The following L1CAM variants were observed in gnomAD, a reference collection of about 807,000 sequenced individuals.
L1CAM encodes the protein L1 cell adhesion molecule, also known as neural cell adhesion molecule L1.
Under a neutral mutation model 93.0 loss-of-function variants are expected in L1CAM, and 8 were observed. The ratio of observed to expected loss-of-function variants is 0.09; its 90% CI spans 0.05 to 0.16. The LOEUF (loss-of-function observed/expected upper bound fraction) is 0.16. L1CAM is among the 10% of genes least tolerant of loss of function. The pLI is 1.00. For missense variants in L1CAM, 777 were observed against 1,073.4 expected (o/e 0.72, Z 3.86); for synonymous variants, 453 against 453.0 (o/e 1.00, Z 0.00).
intron 3 of L1CAM, 95 bp downstream of exon 3, chrX:153,873,133 G>A (rs782455350): frequency 2.2e-5 from 19 of 868,584 alleles, no homozygotes; most frequent in Middle Eastern, 2.8e-4. Flanking sequence ...GCAGGGCCCC[G>A]GCACTCAGGA....
At position 153,870,776 on chromosome X, in the gene L1CAM, C is replaced by G; in HGVS notation, c.694+14G>C. On this transcript the variant is annotated intron_variant, in intron 7 of 28. Transcript: ENST00000370060. ...AAGGAGTCAGGGAGAGAGTGCAGAG[C>G]CTCTGAGACTCACTGGCCTTGACCC... 1 of 1,203,826 alleles carries G rather than the reference C, an allele frequency of 8.3e-7. No homozygotes were observed. The highest frequency in any genetic ancestry group is 1.1e-6 in the Non-Finnish European group (1 of 888,395).
rs2064809371 is a variant in L1CAM, at chrX:153,875,815, C to A, written c.22G>T (p.Val8Leu). 8.3e-7 allele frequency: 1 copy of A among 1,209,520 alleles called. No homozygotes were observed. The highest frequency in any genetic ancestry group is 1.1e-6 in the Non-Finnish European group (1 of 895,063). Residue 8 changes from valine to leucine, a missense_variant, in exon 2 of 29, where the codon GTG becomes TTG. This residue lies in a region of L1CAM where 574 missense variants were observed against 781.0 expected (regional missense o/e 0.73). Transcript: ENST00000370060. ...GGGCTGCAGAGGAGGAGAGGCCACA[C>A]GTACCGCAGCGCCACGACCATCTTT... The part of the protein sequence containing the change: MVVALRY[V>L]WPLLLCSPCL...
chrX:153,865,892 C>G, intron 19 of L1CAM, 73 bp from the exon 20 acceptor site: 1 of 684,479 alleles, frequency 1.5e-6, no homozygotes, highest in Non-Finnish European at 2.4e-6. Flanking sequence ...CAAGCCCCTA[C>G]ACACAGAGAA....
At chrX:153,866,187 C>A (rs1440242497) in intron 19 of L1CAM, among the ~76,000 whole-genome samples, 5 of 109,365 alleles carry the variant, frequency 4.6e-5, no homozygotes, top group Admixed American at 9.8e-5. Context: ...GTGGCGCGTG[C>A]CTGTAATCCC....
intron 11 of L1CAM, 43 bp downstream of exon 11, chrX:153,869,477 G>A (rs1557092230): frequency 1.7e-6 from 2 of 1,201,588 alleles, no homozygotes; most frequent in South Asian, 1.8e-5. Flanking sequence ...TGGGCTGCAG[G>A]GACAGACTGG....
chrX:153,882,363 C>T (rs1362406513), intron 1 of L1CAM, among the ~76,000 whole-genome samples: 3 of 111,012 alleles, frequency 2.7e-5, no homozygotes, highest in Non-Finnish European at 5.7e-5. Flanking sequence ...GCAGCAGCCA[C>T]CCTCAGCCCC....
At chrX:153,881,129 C>T (rs899936876) in intron 1 of L1CAM, among the ~76,000 whole-genome samples, 5 of 112,365 alleles carry the variant, frequency 4.4e-5, no homozygotes, top group African/African-American at 1.6e-4. Context: ...GGACTTACCA[C>T]GTACCAGAAA....
chrX:153,882,288 A>T (rs782007358), intron 1 of L1CAM, among the ~76,000 whole-genome samples: 8 of 110,847 alleles, frequency 7.2e-5, no homozygotes, highest in Non-Finnish European at 1.3e-4. Flanking sequence ...ACAGGGCCAC[A>T]GGGAACCCCC....
chrX:153,880,777 C>A, intron 1 of L1CAM: 1 of 286,072 alleles, frequency 3.5e-6, no homozygotes. Context: ...ATAAAGGGGG[C>A]TGCTCCAGGG....
intron 5 of L1CAM, among the ~76,000 whole-genome samples, chrX:153,871,431 G>A (rs1183537661): frequency 1.8e-5 from 2 of 110,853 alleles, no homozygotes; most frequent in East Asian, 5.7e-4. Flanking sequence ...AACCTTCCAC[G>A]GTTCTCAGCT....
Position 153,870,040 on chromosome X carries a change from C to G in L1CAM, c.991+16G>C. 1 of 1,211,296 alleles carries G rather than the reference C, an allele frequency of 8.3e-7. No homozygotes were observed. On this transcript the variant is annotated intron_variant, in intron 9 of 28. Transcript: ENST00000370060. ...GACAGTGGGCATCACAGGCCACTGT[C>G]CCAGGAGGTCCATACCCTCCACGGT...
chrX:153,877,287 C>CAAAAA (rs34384910), intron 1 of L1CAM, among the ~76,000 whole-genome samples: 3 of 12,805 alleles, frequency 2.3e-4, no homozygotes, highest in Non-Finnish European at 3.4e-4. Flanking sequence ...ACTAAAAATA[C>CAAAAA]AAAAAAAAAA....
Position 153,877,287 on chromosome X carries a change from C to CAA in L1CAM, c.-108-1345_-108-1344dup, listed in dbSNP as rs34384910. Among the ~76,000 whole-genome samples, 126 of 12,801 alleles carry CAA rather than the reference C, an allele frequency of 9.8e-3. 9 individuals carry two copies. Among genetic ancestry groups the CAA allele is most frequent in the African/African-American group, 0.019 (101 of 5,219 alleles). 11.1% of individuals were successfully genotyped at this position (12,801 alleles called of 115,157 possible). Reference sequence around the variant, plus strand: ...TGAAATCCTGTCTCTACTAAAAATACAAAAAAAAAAAAAAAAAAAAAAAAA... The same window carrying CAA: ...TGAAATCCTGTCTCTACTAAAAATACAAAAAAAAAAAAAAAAAAAAAAAAAAA... On this transcript the variant is annotated intron_variant, in intron 1 of 28. Transcript: ENST00000370060.
At chrX:153,884,596 C>G (rs1019935509) in intron 1 of L1CAM, 1 of 180,453 alleles carries the variant, frequency 5.5e-6, no homozygotes, top group Non-Finnish European at 1.0e-5. Context: ...GAGAAATGAC[C>G]AGGAGCCAAG....
At chrX:153,872,007 C>T in intron 5 of L1CAM, 145 bp downstream of exon 5, 1 of 501,088 alleles carries the variant, frequency 2.0e-6, no homozygotes, top group Non-Finnish European at 3.5e-6. Context: ...ACAAGATGGG[C>T]CAGGGGAGAA....
At chrX:153,878,593 C>T (rs1298805482) in intron 1 of L1CAM, among the ~76,000 whole-genome samples, 1 of 112,264 alleles carries the variant, frequency 8.9e-6, no homozygotes, top group South Asian at 3.7e-4. Context: ...GTAGGAGACT[C>T]GGATCAGAGA....
intron 2 of L1CAM, among the ~76,000 whole-genome samples, chrX:153,874,645 C>G (rs1485820272): frequency 8.9e-6 from 1 of 112,389 alleles, no homozygotes; most frequent in African/African-American, 3.2e-5. Flanking sequence ...CTGGCACAGA[C>G]AGTCTTCCCA....
In L1CAM at chrX:153,868,970, T is replaced by A. The variant is rs201756003; in HGVS notation, c.1268-18A>T. ...TGGCAGCTCTAGGGGAGGAACAGCC[T>A]CAGGAGACAGGGCAGGACTTGGGAC... On this transcript the variant is annotated intron_variant, in intron 11 of 28. Coordinates refer to ENST00000370060, the MANE Select transcript of L1CAM (RefSeq NM_001278116.2). The A allele has an allele frequency of 8.6e-7, 1 of 1,157,203 alleles. No homozygotes were observed. The highest frequency in any genetic ancestry group is 3.0e-5 in the East Asian group (1 of 33,601).
Position 153,864,982 on chromosome X carries a change from C to T in L1CAM, c.2885G>A (p.Gly962Asp). The T allele has an allele frequency of 8.2e-7, 1 of 1,212,308 alleles. No homozygotes were observed. The highest frequency in any genetic ancestry group is 3.0e-5 in the East Asian group (1 of 33,850). Residue 962 changes from glycine to aspartate, a missense_variant, in exon 23 of 29, where the codon GGC (glycine) becomes GAC (aspartate). By Grantham distance (94) the Gly-to-Asp change is moderately conservative. Transcript: ENST00000370060. ...VLSYHPLDEG[G>D]KGQLSFNLRD... ...AAGGTTGAAGGACAGTTGCCCCTTG[C>T]CCCCCTCATCCACTGTGGGGACAGA...
Sources: allele counts gnomAD v4.1 joint callset (sites outside exome capture counted in the v4.1 genomes callset), GRCh38; gene constraint gnomAD v4.1.1; regional missense constraint gnomAD v4.1.1; transcripts MANE v1.5; gene names NCBI Gene and HGNC (gene_info 2026-07-23, HGNC 2026-07-21).